ASH1L: variants seen among roughly 807,000 people sequenced by gnomAD.
ASH1L encodes histone-lysine N-methyltransferase ASH1L.
In ASH1L, 23 loss-of-function variants were observed where a neutral mutation model predicts 269.0. The observed-to-expected ratio is 0.09, with a 90% confidence interval of 0.06 to 0.12. ASH1L has a LOEUF of 0.12. Ranked by LOEUF, ASH1L falls within the 10% of genes least tolerant of loss-of-function variation. ASH1L has a pLI of 1.00. For synonymous variants in ASH1L, 1,187 were observed against 1,253.5 expected (o/e 0.95, Z 1.12); for missense variants, 2,912 against 3,567.8 (o/e 0.82, Z 4.68).
chr1:155,351,778 G>A (rs931380873), intron 17 of ASH1L, among the ~76,000 whole-genome samples: 4 of 151,854 alleles, frequency 2.6e-5, no homozygotes, highest in African/African-American at 9.7e-5. Flanking sequence ...TGGAACCCAG[G>A]AGGTGGAGGT....
At chr1:155,413,703 T>TAAC (rs1659986631) in intron 6 of ASH1L, among the ~76,000 whole-genome samples, 1 of 152,160 alleles carries the variant, frequency 6.6e-6, no homozygotes, top group African/African-American at 2.4e-5. Flanking sequence ...TGGACTCTAG[T>TAAC]AACTATCTTG....
chr1:155,422,437 G>A (rs918942527), intron 5 of ASH1L, among the ~76,000 whole-genome samples: 6 of 151,066 alleles, frequency 4.0e-5, no homozygotes, highest in East Asian at 1.9e-4. Context: ...TAGTAGAAGC[G>A]GGGTTTCACC....
intron 5 of ASH1L, among the ~76,000 whole-genome samples, chr1:155,422,650 TCTG>T (rs1483100497): frequency 6.6e-6 from 1 of 150,460 alleles, no homozygotes. Flanking sequence ...TCTTTTTCTT[TCTG>T]TTTTTTTTTT....
At chr1:155,527,070 T>C (rs2148857461) in intron 1 of ASH1L, among the ~76,000 whole-genome samples, 1 of 152,182 alleles carries the variant, frequency 6.6e-6, no homozygotes, top group East Asian at 1.9e-4. Context: ...TAGCCAGGTG[T>C]GGTGGCGCAT....
At chr1:155,358,656 C>G (rs1190231416) in intron 13 of ASH1L, 2 of 150,516 alleles carry the variant, frequency 1.3e-5, no homozygotes, top group African/African-American at 2.4e-5. Flanking sequence ...CCACTGCACT[C>G]TAGCCTGGGA....
chr1:155,388,883 T>C (rs971351305), intron 7 of ASH1L, among the ~76,000 whole-genome samples: 1 of 151,502 alleles, frequency 6.6e-6, no homozygotes, highest in Non-Finnish European at 1.5e-5. Context: ...AATGTTGTTA[T>C]TGCTTTATAG....
intron 6 of ASH1L, among the ~76,000 whole-genome samples, chr1:155,414,735 T>C (rs1660068269): frequency 6.6e-6 from 1 of 152,210 alleles, no homozygotes; most frequent in Non-Finnish European, 1.5e-5. Flanking sequence ...GTTGTTTTGA[T>C]ATATGAAAAA....
chr1:155,359,331 T>C (rs1411127294), intron 13 of ASH1L, among the ~76,000 whole-genome samples: 1 of 152,178 alleles, frequency 6.6e-6, no homozygotes, highest in Non-Finnish European at 1.5e-5. Flanking sequence ...TCGCCCAGGA[T>C]GGAGTGCATT....
intron 17 of ASH1L, among the ~76,000 whole-genome samples, chr1:155,350,741 G>A (rs553031714): frequency 6.6e-6 from 1 of 150,870 alleles, no homozygotes; most frequent in South Asian, 2.1e-4. Context: ...GCTAACATGG[G>A]GAAACTCCAT....
At chr1:155,461,102 G>T (rs1381025577) in intron 3 of ASH1L, among the ~76,000 whole-genome samples, 2 of 152,098 alleles carry the variant, frequency 1.3e-5, no homozygotes, top group African/African-American at 2.4e-5. Flanking sequence ...GCCGCAAAAG[G>T]TACAATAAAT....
chr1:155,405,248 A>G (rs956665809), intron 6 of ASH1L, among the ~76,000 whole-genome samples: 3 of 148,816 alleles, frequency 2.0e-5, no homozygotes, highest in African/African-American at 5.0e-5. Context: ...TAGGGGGCTG[A>G]GGGGGGGGCA....
intron 27 of ASH1L, 131 bp downstream of exon 27, chr1:155,337,958 G>A: frequency 9.0e-7 from 1 of 1,108,204 alleles, no homozygotes; most frequent in South Asian, 1.6e-5. Context: ...ACAACTAAAA[G>A]CAAGCCTATA....
chr1:155,348,376 C>T lies in ASH1L; in HGVS notation c.7555-472G>A, dbSNP rs1325491601. Among the ~76,000 whole-genome samples, 4 of 151,940 alleles carry T rather than the reference C, an allele frequency of 2.6e-5. No homozygotes were observed. The East Asian group carries it at 7.7e-4, about 29-fold the overall frequency. On this transcript the variant is annotated intron_variant, in intron 19 of 27. Transcript: ENST00000392403. ...TGTCTATTTTTCTTTCTCATTTTGT[C>T]TTTCAACTTCTATTATTCCTTTATC...
At chr1:155,364,850 G>A (rs1257071644) in intron 12 of ASH1L, among the ~76,000 whole-genome samples, 1 of 150,370 alleles carries the variant, frequency 6.7e-6, no homozygotes, top group African/African-American at 2.5e-5. Context: ...GCTGAGGCAG[G>A]TGAACGGCTT....
At chr1:155,341,181 T>C (rs1652762621) in intron 25 of ASH1L, among the ~76,000 whole-genome samples, 2 of 146,254 alleles carry the variant, frequency 1.4e-5, no homozygotes, top group Non-Finnish European at 3.0e-5. Flanking sequence ...TGTTCACAAT[T>C]TTTTTTTTTT....
At chr1:155,562,053 G>A in intron 1 of ASH1L, 100 bp downstream of exon 1, 1 of 829,326 alleles carries the variant, frequency 1.2e-6, no homozygotes, top group South Asian at 1.7e-5. Context: ...CTCTCTCAGA[G>A]ATCCAGGTCC....
chr1:155,507,670 G>A (rs191929186), intron 2 of ASH1L, among the ~76,000 whole-genome samples: 22 of 152,278 alleles, frequency 1.4e-4, no homozygotes, highest in Admixed American at 5.2e-4. Flanking sequence ...ACAGGAGTTC[G>A]AGAACAGCCT....
intron 7 of ASH1L, among the ~76,000 whole-genome samples, chr1:155,382,149 T>C (rs1046991608): frequency 6.7e-6 from 1 of 149,480 alleles, no homozygotes; most frequent in Non-Finnish European, 1.5e-5. Context: ...GAGGTTGCAG[T>C]GAGCCCAGAT....
intron 5 of ASH1L, among the ~76,000 whole-genome samples, chr1:155,424,437 C>T (rs574032302): frequency 1.3e-5 from 2 of 150,546 alleles, no homozygotes; most frequent in East Asian, 2.0e-4. Flanking sequence ...GACAGAGTTT[C>T]GCTCTTGTTG....
Sources: allele counts gnomAD v4.1 joint callset (sites outside exome capture counted in the v4.1 genomes callset), GRCh38; gene constraint gnomAD v4.1.1; transcripts MANE v1.5; gene names NCBI Gene and HGNC (gene_info 2026-07-23, HGNC 2026-07-21).